The following DNAAF9 variants were observed in gnomAD, a reference collection of about 807,000 sequenced individuals.
DNAAF9 encodes the protein dynein axonemal assembly factor 9.
A neutral mutation model predicts 167.0 loss-of-function variants in DNAAF9; 90 were observed. The observed-to-expected ratio is 0.54, with a 90% CI of 0.45 to 0.64. The LOEUF is 0.64. Among genes scored for constraint, DNAAF9 ranks in the 30% least tolerant of loss-of-function variants. The pLI is 0.00. For missense variants in DNAAF9, 1,315 were observed against 1,442.2 expected (o/e 0.91, Z 1.43); for synonymous variants, 491 against 508.8 (o/e 0.96, Z 0.47).
intron 6 of DNAAF9, among the ~76,000 whole-genome samples, chr20:3,367,911 T>G (rs555333532): frequency 1.4e-3 from 164 of 118,058 alleles, no homozygotes; most frequent in African/African-American, 5.2e-3. Context: ...CATCAATTTG[T>G]TTAAAAAAAA....
intron 11 of DNAAF9, among the ~76,000 whole-genome samples, chr20:3,331,457 T>C (rs1389314239): frequency 1.3e-5 from 2 of 152,182 alleles, no homozygotes; most frequent in Admixed American, 6.5e-5. Context: ...GTTCATTCCA[T>C]AGGTTCTTTT....
intron 3 of DNAAF9, 49 bp downstream of exon 3, chr20:3,381,330 A>C: frequency 1.4e-6 from 2 of 1,440,780 alleles, no homozygotes; most frequent in Non-Finnish European, 1.9e-6. Context: ...ATCCAAATAA[A>C]TAAACCTCTT....
At chr20:3,310,655 A>G (rs2069398416) in intron 20 of DNAAF9, among the ~76,000 whole-genome samples, 1 of 151,972 alleles carries the variant, frequency 6.6e-6, no homozygotes, top group Non-Finnish European at 1.5e-5. Flanking sequence ...ACTGCACTCC[A>G]GCCTGGACAA....
At position 3,297,024 on chromosome 20, in the gene DNAAF9, T is replaced by A; in HGVS notation, c.1930-75A>T. The A allele has an allele frequency of 3.6e-6, 3 of 826,230 alleles. No homozygotes were observed. The South Asian group carries it at 4.5e-5, about 12-fold the overall frequency. The allele number at this position is 826,230 out of a possible 1,614,324, so 51.2% of individuals were successfully genotyped here. A position where few individuals can be genotyped will look rare whatever the true frequency, so the allele number is the denominator to read the frequency against. Reference sequence around the variant, plus strand: ...ATATGGAAGCCACATGGGGATTTGATGGTTGTTGAAAATCTAGACTGTCAC... The same window carrying A: ...ATATGGAAGCCACATGGGGATTTGAAGGTTGTTGAAAATCTAGACTGTCAC... On this transcript the variant is annotated intron_variant, in intron 22 of 36. Coordinates refer to ENST00000252032, the MANE Select transcript of DNAAF9 (RefSeq NM_001009984.3).
rs757222033 is a variant in DNAAF9, at chr20:3,326,278, T to C, written c.1107A>G (p.Leu369=). 18 of 1,609,994 alleles carry C rather than the reference T, an allele frequency of 1.1e-5. No individual in the cohort carries two copies. The highest frequency in any genetic ancestry group is 1.7e-4 in the Middle Eastern group (1 of 6,046). ...KLPKKTEQIR[L]LSQIYAAVIE... is the part of the protein sequence containing the mutation. Reference sequence around the variant, plus strand: ...TAACAGCAGCATATATCTGGGACAATAGCCTACTTTAAAAACAAAAAATAA... The same window carrying C: ...TAACAGCAGCATATATCTGGGACAACAGCCTACTTTAAAAACAAAAAATAA... Residue 369 remains leucine (L), a synonymous_variant, in exon 13 of 37, where the codon CTA becomes CTG. Transcript: ENST00000252032.
intron 34 of DNAAF9, among the ~76,000 whole-genome samples, 183 bp from the exon 35 acceptor site, chr20:3,255,467 G>A (rs1377465207): frequency 6.6e-6 from 1 of 152,104 alleles, no homozygotes; most frequent in East Asian, 1.9e-4. Flanking sequence ...CCATCACAGA[G>A]CCCTGTGAGC....
At chr20:3,383,636 C>T (rs1286717977) in intron 1 of DNAAF9, among the ~76,000 whole-genome samples, 1 of 152,034 alleles carries the variant, frequency 6.6e-6, no homozygotes, top group Non-Finnish European at 1.5e-5. Context: ...AGAGCCTCTA[C>T]AAACCAACTA....
chr20:3,250,349 G>A lies in DNAAF9; in HGVS notation c.*2223C>T, dbSNP rs1442568581. 1 of 152,266 alleles carries A rather than the reference G, an allele frequency of 6.6e-6. No homozygotes were observed. Among genetic ancestry groups the A allele is most frequent in the Non-Finnish European group, 1.5e-5 (1 of 68,078 alleles). 9.4% of individuals were successfully genotyped at this position (152,266 alleles called of 1,614,324 possible). On this transcript the variant is annotated 3_prime_UTR_variant, in exon 37 of 37. Coordinates refer to ENST00000252032, the MANE Select transcript of DNAAF9 (RefSeq NM_001009984.3). ...TCAAAGAGCTCACAGTGCACCGCGG[G>A]TGTGCCTTATCAGTGGGGCAGAGCA...
chr20:3,382,559 A>G, intron 1 of DNAAF9, 53 bp from the exon 2 acceptor site: 1 of 1,381,422 alleles, frequency 7.2e-7, no homozygotes, highest in Non-Finnish European at 1.0e-6. Context: ...CCCCATGAGA[A>G]GAGCAGCATC....
chr20:3,389,198 T>A (rs552952762), intron 1 of DNAAF9, among the ~76,000 whole-genome samples: 63 of 152,104 alleles, frequency 4.1e-4, no homozygotes, highest in Non-Finnish European at 5.3e-4. Flanking sequence ...CAAGCTGGAG[T>A]GCAGTTGCTT....
Position 3,343,699 on chromosome 20 carries a change from G to T in DNAAF9, c.822C>A (p.Ile274=). 6.2e-7 allele frequency: 1 copy of T among 1,612,376 alleles called. No individual in the cohort carries two copies. The highest frequency in any genetic ancestry group is 8.5e-7 in the Non-Finnish European group (1 of 1,178,890). The part of the protein sequence containing the change: ...PFRSYFSHGM[I]SSHITENSPN... The stretch of plus-strand genomic sequence containing the variant: ...ACCTGTTTTCAGTTATATGGCTAGA[G>T]ATCATTCCATGACTGAAATAACTTC... Residue 274 remains isoleucine, a synonymous_variant, in exon 9 of 37, where the codon ATC becomes ATA. Transcript: ENST00000252032.
At chr20:3,395,028 C>T (rs1347002644) in intron 1 of DNAAF9, among the ~76,000 whole-genome samples, 6 of 121,892 alleles carry the variant, frequency 4.9e-5, no homozygotes, top group Non-Finnish European at 9.8e-5. Flanking sequence ...AGTGCAGTGG[C>T]GCGATCTCGA....
chr20:3,282,539 C>A (rs2068780763), intron 27 of DNAAF9, among the ~76,000 whole-genome samples: 1 of 152,162 alleles, frequency 6.6e-6, no homozygotes, highest in Non-Finnish European at 1.5e-5. Context: ...AACCCAGAGT[C>A]AGATCATGTC....
Position 3,270,427 on chromosome 20 carries a change from C to A in DNAAF9, c.2786G>T (p.Arg929Met). ...FILAENGIVT[R>M]NEDIELILSE... ...CTTGCAGAGTGAATCTATAGATTAC[C>A]TGGTGACAATCCCATTTTCTGCAAG... The change falls in exon 30 of 37, where the codon AGG (arginine) becomes ATG (methionine). Residue 929 changes from arginine (R) to methionine (M), a missense_variant and splice_region_variant. By Grantham distance (91) the Arg-to-Met change is moderately conservative. This residue lies in a region of DNAAF9 where 334 missense variants were observed against 429.7 expected (regional missense o/e 0.78). Transcript: ENST00000252032. The A allele has an allele frequency of 6.2e-7, 1 of 1,613,676 alleles. No individual in the cohort carries two copies. Among genetic ancestry groups the A allele is most frequent in the Non-Finnish European group, 8.5e-7 (1 of 1,179,672 alleles).
chr20:3,341,950 T>C (rs2070095578), intron 9 of DNAAF9, among the ~76,000 whole-genome samples: 1 of 152,142 alleles, frequency 6.6e-6, no homozygotes, highest in African/African-American at 2.4e-5. Flanking sequence ...GCTAATTTTT[T>C]GTATTTTTAG....
intron 1 of DNAAF9, among the ~76,000 whole-genome samples, chr20:3,394,748 G>C (rs1824593820): frequency 6.6e-6 from 1 of 151,780 alleles, no homozygotes; most frequent in African/African-American, 2.4e-5. Context: ...GTATATAGTT[G>C]GATCTATTGT....
Position 3,294,136 on chromosome 20 carries a change from T to C in DNAAF9, c.2238+3A>G, listed in dbSNP as rs1288151737. On this transcript the variant is annotated splice_donor_region_variant and intron_variant, in intron 25 of 36. Transcript: ENST00000252032. ...TCCCAGCATATCTGGTGAGCTCCTC[T>C]ACCTTGTCACTTTCTATTCTGTGAG... The C allele has an allele frequency of 2.6e-6, 4 of 1,517,552 alleles. No individual in the cohort carries two copies. The Admixed American group carries it at 5.0e-5, about 19-fold the overall frequency. 94.0% of individuals were successfully genotyped at this position (1,517,552 alleles called of 1,614,324 possible). A position where few individuals can be genotyped will look rare whatever the true frequency, so the allele number is the denominator to read the frequency against.
intron 25 of DNAAF9, 111 bp from the exon 26 acceptor site, chr20:3,290,328 T>G: frequency 1.4e-6 from 1 of 734,894 alleles, no homozygotes; most frequent in Non-Finnish European, 2.5e-6. Flanking sequence ...AACCTCAGTA[T>G]GACCTCTCAC....
chr20:3,275,080 A>G (rs2068655798), intron 29 of DNAAF9, among the ~76,000 whole-genome samples: 1 of 152,204 alleles, frequency 6.6e-6, no homozygotes, highest in Non-Finnish European at 1.5e-5. Context: ...GCAGCCACAG[A>G]AAGTAGGGCC....
Sources: gnomAD v4.1 joint callset for allele counts (sites outside exome capture counted in the v4.1 genomes callset) on GRCh38, gnomAD v4.1.1 for gene constraint, gnomAD v4.1.1 regional missense constraint, MANE v1.5 for transcripts, NCBI Gene and HGNC (gene_info 2026-07-23, HGNC 2026-07-21) for gene names.